CRYBB3: variants seen among roughly 807,000 people sequenced by gnomAD.
CRYBB3 encodes the protein crystallin beta B3.
Under a neutral mutation model 28.3 loss-of-function variants are expected in CRYBB3, and 35 were observed. That is an observed-to-expected ratio of 1.24 (90% CI 0.95 to 1.64). The LOEUF is 1.64. Ranked by LOEUF, CRYBB3 falls within the 40% of genes most tolerant of loss-of-function variation. CRYBB3 has a pLI of 0.00. For missense variants in CRYBB3, 296 were observed against 297.4 expected (o/e 1.00, Z 0.04); for synonymous variants, 106 against 110.4 (o/e 0.96, Z 0.25).
intron 2 of CRYBB3, 114 bp from the exon 3 acceptor site, chr22:25,202,560 A>G (rs1934965585): frequency 6.3e-7 from 1 of 1,585,444 alleles, no homozygotes; most frequent in East Asian, 2.3e-5. Flanking sequence ...TGCCAGCTCC[A>G]GGCTGGAGAG....
At chr22:25,206,503 A>T (rs1031382293) in intron 5 of CRYBB3, among the ~76,000 whole-genome samples, 1 of 152,220 alleles carries the variant, frequency 6.6e-6, no homozygotes, top group African/African-American at 2.4e-5. Context: ...AGATCACGCC[A>T]CTGCACTCCA....
At chr22:25,206,494 G>A (rs1935036746) in intron 5 of CRYBB3, among the ~76,000 whole-genome samples, 1 of 152,198 alleles carries the variant, frequency 6.6e-6, no homozygotes, top group Non-Finnish European at 1.5e-5. Flanking sequence ...AGTGAGCCGA[G>A]ATCACGCCAC....
intron 2 of CRYBB3, among the ~76,000 whole-genome samples, chr22:25,202,254 G>C (rs1170919839): frequency 6.6e-6 from 1 of 152,094 alleles, no homozygotes; most frequent in Non-Finnish European, 1.5e-5. Flanking sequence ...GGCAGGCAGA[G>C]GTCTTCCCCG....
At chr22:25,206,282 G>A (rs1935032524) in intron 5 of CRYBB3, among the ~76,000 whole-genome samples, 1 of 152,150 alleles carries the variant, frequency 6.6e-6, no homozygotes, top group Non-Finnish European at 1.5e-5. Context: ...TGGGGCTCAC[G>A]CCTGTAATCC....
At position 25,202,764 on chromosome 22, in the gene CRYBB3, G is replaced by A. The variant is rs748596890; in HGVS notation, c.166G>A (p.Val56Met). 1.2e-6 allele frequency: 2 copies of A among 1,613,968 alleles called. No homozygotes were observed. Among genetic ancestry groups the A allele is most frequent in the Non-Finnish European group, 1.7e-6 (2 of 1,180,024 alleles). The change falls in exon 3 of 6, where the codon GTG becomes ATG. Residue 56 changes from valine to methionine, a missense_variant. Transcript: ENST00000215855. ...PSLTDSLLEKVGSIQVESGPW... is the reference protein window; with the variant it reads ...PSLTDSLLEKMGSIQVESGPW... The stretch of plus-strand genomic sequence containing the variant: ...CCTGACCGACAGCCTGCTGGAGAAG[G>A]TGGGCTCCATCCAAGTGGAGTCCGG...
In CRYBB3 at chr22:25,201,376, G is replaced by C. The variant is rs749294708; in HGVS notation, c.-20-1G>C. The C allele has an allele frequency of 8.7e-6, 14 of 1,612,798 alleles. No homozygotes were observed. The highest frequency in any genetic ancestry group is 2.5e-6 in the Non-Finnish European group (3 of 1,179,206). ...GTGAACCATTTTCTTTTGGTTTGAA[G>C]CCAGAGGTGTTCCTGGGGAGATGGC... On this transcript the variant is annotated splice_acceptor_variant, in intron 1 of 5. Coordinates refer to ENST00000215855, the MANE Select transcript of CRYBB3 (RefSeq NM_004076.5). LOFTEE classifies it low-confidence loss of function (5UTR_SPLICE).
intron 2 of CRYBB3, 120 bp from the exon 3 acceptor site, chr22:25,202,554 A>C: frequency 6.3e-7 from 1 of 1,578,964 alleles, no homozygotes; most frequent in African/African-American, 1.3e-5. Flanking sequence ...CCTCAGTGCC[A>C]GCTCCAGGCT....
intron 4 of CRYBB3, among the ~76,000 whole-genome samples, chr22:25,204,450 C>T (rs532420808): frequency 1.2e-4 from 18 of 152,164 alleles, no homozygotes; most frequent in Non-Finnish European, 2.6e-4. Flanking sequence ...TGCAGTCTCG[C>T]TCTGTCACCC....
chr22:25,205,347 G>A lies in CRYBB3; in HGVS notation c.455G>A (p.Arg152His), dbSNP rs141701069. 144 of 1,613,942 alleles carry A rather than the reference G, an allele frequency of 8.9e-5. No homozygotes were observed. The highest frequency in any genetic ancestry group is 1.3e-4 in the African/African-American group (10 of 74,914). ...TTCCAGGACCGTGTGGCGAGTGTCC[G>A]TGCCATCAACGGGACGTAAGGGACC... is the stretch of plus-strand genomic sequence containing the variant. The part of the protein sequence containing the change: ...HGFQDRVASV[R>H]AINGTWVGYE... The change falls in exon 5 of 6, where the codon CGT becomes CAT. Residue 152 changes from arginine to histidine, a missense_variant. Arg to His is a conservative substitution (Grantham distance 29). Transcript: ENST00000215855.
chr22:25,204,926 C>A lies in CRYBB3; in HGVS notation c.328-294C>A, dbSNP rs185309249. ...TTGATCTCTGTCCACCCTCTCCTGGCCTCAGTTTCTCTATCATTTAAATGA... is the reference window on the plus strand; with the variant it reads ...TTGATCTCTGTCCACCCTCTCCTGGACTCAGTTTCTCTATCATTTAAATGA... On this transcript the variant is annotated intron_variant, in intron 4 of 5. Coordinates refer to ENST00000215855, the MANE Select transcript of CRYBB3 (RefSeq NM_004076.5). Among the ~76,000 whole-genome samples, 6 of 152,312 alleles carry A rather than the reference C, an allele frequency of 3.9e-5. No individual in the cohort carries two copies. In the East Asian group the frequency reaches 1.2e-3, roughly 29 times the overall value.
rs9608378 is a variant in CRYBB3 at position 25,205,229 on chromosome 22, C to G, written c.337C>G (p.His113Asp). The stretch of plus-strand genomic sequence containing the variant: ...ACGATATTGCCCTCAGGATAGTCCA[C>G]ATCACAAGCTGCATCTGTTTGAGAA... Reference protein sequence around the residue: ...SLRPLNIDSPHHKLHLFENPA... With the variant: ...SLRPLNIDSPDHKLHLFENPA... The change falls in exon 5 of 6, where the codon CAT (histidine) becomes GAT (aspartate). Residue 113 changes from histidine (H) to aspartate (D), a missense_variant. By Grantham distance (81) the His-to-Asp change is moderately conservative (BLOSUM62 -1). Coordinates refer to ENST00000215855, the MANE Select transcript of CRYBB3 (RefSeq NM_004076.5). 0.63 allele frequency: 1,020,256 copies of G among 1,613,446 alleles called. 326,771 individuals carry two copies. The highest frequency in any genetic ancestry group is 0.92 in the East Asian group (41,348 of 44,834).
rs200584818 is a variant in CRYBB3 at position 25,205,272 on chromosome 22, G to C, written c.380G>C (p.Arg127Pro). 1.2e-6 allele frequency: 2 copies of C among 1,613,862 alleles called. No individual in the cohort carries two copies. Among genetic ancestry groups the C allele is most frequent in the East Asian group, 2.2e-5 (1 of 44,870 alleles). The change falls in exon 5 of 6, where the codon CGC (arginine) becomes CCC (proline). Residue 127 changes from arginine (R) to proline (P), a missense_variant. By Grantham distance (103) the Arg-to-Pro change is moderately radical. Coordinates refer to ENST00000215855, the MANE Select transcript of CRYBB3 (RefSeq NM_004076.5). Reference protein sequence around the residue: ...HLFENPAFSGRKMEIVDDDVP... With the variant: ...HLFENPAFSGPKMEIVDDDVP... ...TTTGAGAACCCAGCTTTCAGTGGCC[G>C]CAAGATGGAGATAGTGGATGATGAC...
At chr22:25,204,220 A>G (rs1223038358) in intron 4 of CRYBB3, among the ~76,000 whole-genome samples, 1 of 152,250 alleles carries the variant, frequency 6.6e-6, no homozygotes, top group African/African-American at 2.4e-5. Flanking sequence ...AATGCAGTCC[A>G]GGAAATAACT....
In CRYBB3 at chr22:25,202,694, G is replaced by C. The variant is rs142996620; in HGVS notation, c.96G>C (p.Glu32Asp). The change falls in exon 3 of 6, where the codon GAG (glutamate) becomes GAC (aspartate). Residue 32 changes from glutamate (E) to aspartate (D), a missense_variant. Physicochemically the swap from Glu to Asp is conservative, Grantham distance 45. Transcript: ENST00000215855. ...GSYKVILYEL[E>D]NFQGKRCELS... ...TCTAGGTGATCTTGTACGAACTAGA[G>C]AACTTCCAAGGCAAACGCTGCGAGC... 1.3e-4 allele frequency: 213 copies of C among 1,613,934 alleles called. No homozygotes were observed. Among genetic ancestry groups the C allele is most frequent in the Non-Finnish European group, 1.7e-4 (203 of 1,179,990 alleles).
At chr22:25,199,931 G>A (rs2146070635) in intron 1 of CRYBB3, 22 bp downstream of exon 1, 1 of 152,408 alleles carries the variant, frequency 6.6e-6, no homozygotes, top group Admixed American at 6.5e-5. Flanking sequence ...GATGGGTTGG[G>A]GGTGGGGAGG....
intron 5 of CRYBB3, 136 bp downstream of exon 5, chr22:25,205,498 C>G: frequency 9.0e-7 from 1 of 1,116,942 alleles, no homozygotes; most frequent in Non-Finnish European, 1.2e-6. Flanking sequence ...CTTGCTCTGT[C>G]GCCCAGGCTG....
chr22:25,204,082 G>A (rs140588220), intron 4 of CRYBB3, among the ~76,000 whole-genome samples, 187 bp downstream of exon 4: 7 of 152,298 alleles, frequency 4.6e-5, no homozygotes, highest in South Asian at 4.1e-4. Context: ...AGGGACATTC[G>A]GTTGGGGATT....
intron 5 of CRYBB3, among the ~76,000 whole-genome samples, chr22:25,206,179 A>AT (rs1399228732): frequency 3.3e-5 from 5 of 152,180 alleles, no homozygotes; most frequent in Non-Finnish European, 7.4e-5. Flanking sequence ...TTATTCAACA[A>AT]TTTTTTACTG....
At chr22:25,203,531 C>A (rs1220688834) in intron 3 of CRYBB3, among the ~76,000 whole-genome samples, 1 of 152,196 alleles carries the variant, frequency 6.6e-6, no homozygotes, top group African/African-American at 2.4e-5. Context: ...GTACCTTGCA[C>A]AGAGGCTAGA....
Sources: gnomAD v4.1 joint callset for allele counts (sites outside exome capture counted in the v4.1 genomes callset) on GRCh38, gnomAD v4.1.1 for gene constraint, MANE v1.5 for transcripts, NCBI Gene and HGNC (gene_info 2026-07-23, HGNC 2026-07-21) for gene names.